LEF1: variants seen among roughly 807,000 people sequenced by gnomAD.
The protein encoded by LEF1 is lymphoid enhancer-binding factor 1.
LEF1 carries 14 observed loss-of-function variants against 51.2 expected under a neutral mutation model. The ratio of observed to expected loss-of-function variants is 0.27; its 90% confidence interval spans 0.18 to 0.43. The LOEUF (loss-of-function observed/expected upper bound fraction) is 0.43, where lower values mean the gene tolerates loss of function less well. LEF1 is among the 20% of genes least tolerant of loss of function. The pLI, the probability that LEF1 is intolerant of heterozygous loss-of-function variation, is 1.00. For synonymous variants in LEF1, 185 were observed against 183.2 expected, an observed-to-expected ratio of 1.01 and a Z score of -0.08; for missense variants, 386 against 512.0, an observed-to-expected ratio of 0.75 and a Z score of 2.37.
intron 9 of LEF1, among the ~76,000 whole-genome samples, chr4:108,065,835 G>A (rs1376289237): frequency 6.6e-6 from 1 of 152,136 alleles, no homozygotes; most frequent in Admixed American, 6.5e-5. Flanking sequence ...TTTACTATAA[G>A]CGGACCATGG....
chr4:108,158,810 G>A (rs1050649699), intron 3 of LEF1, among the ~76,000 whole-genome samples: 3 of 151,964 alleles, frequency 2.0e-5, no homozygotes, highest in African/African-American at 7.3e-5. Context: ...TCCCATTTGT[G>A]AGACCCTACC....
intron 3 of LEF1, among the ~76,000 whole-genome samples, chr4:108,118,073 C>T (rs1209516429): frequency 2.0e-5 from 3 of 152,046 alleles, no homozygotes; most frequent in East Asian, 1.9e-4. Context: ...TGGGGAGTGA[C>T]GAGGCTTAGA....
chr4:108,092,846 G>T (rs1005494806), intron 3 of LEF1, among the ~76,000 whole-genome samples: 7 of 145,402 alleles, frequency 4.8e-5, no homozygotes, highest in South Asian at 2.2e-4. Context: ...TCTAATTCTC[G>T]CAGCTTACTT....
intron 8 of LEF1, among the ~76,000 whole-genome samples, chr4:108,074,879 C>A (rs1206489786): frequency 6.6e-6 from 1 of 152,128 alleles, no homozygotes; most frequent in East Asian, 1.9e-4. Flanking sequence ...CATATCCTCA[C>A]TCTCTGTATT....
intron 3 of LEF1, among the ~76,000 whole-genome samples, chr4:108,093,330 G>T (rs2110277429): frequency 6.6e-6 from 1 of 152,260 alleles, no homozygotes; most frequent in South Asian, 2.1e-4. Flanking sequence ...TGTACACATA[G>T]TAAGTACCTC....
chr4:108,060,575 C>T (rs1181842686), intron 11 of LEF1, among the ~76,000 whole-genome samples: 1 of 152,116 alleles, frequency 6.6e-6, no homozygotes, highest in Non-Finnish European at 1.5e-5. Context: ...TCTTTCATTT[C>T]TTTGCCAGGG....
chr4:108,092,899 T>C (rs998279082), intron 3 of LEF1, among the ~76,000 whole-genome samples: 11 of 109,968 alleles, frequency 1.0e-4, no homozygotes, highest in African/African-American at 1.1e-4. Context: ...GGGGTGGGTA[T>C]TGGAAACAAT....
At chr4:108,078,749 AAC>A (rs1739083732) in intron 7 of LEF1, among the ~76,000 whole-genome samples, 1 of 152,196 alleles carries the variant, frequency 6.6e-6, no homozygotes, top group African/African-American at 2.4e-5. Flanking sequence ...GAAGAAGCTG[AAC>A]ACACAGCACA....
chr4:108,122,216 A>C (rs1483506914), intron 3 of LEF1, among the ~76,000 whole-genome samples: 2 of 152,174 alleles, frequency 1.3e-5, no homozygotes, highest in Non-Finnish European at 1.5e-5. Flanking sequence ...CTCTTACTAG[A>C]AAGTAGATTT....
chr4:108,057,008 G>A (rs1315635656), intron 11 of LEF1, among the ~76,000 whole-genome samples: 2 of 151,714 alleles, frequency 1.3e-5, no homozygotes, highest in Non-Finnish European at 2.9e-5. Context: ...AAGGGTAGCT[G>A]CGCAGCCACG....
chr4:108,090,133 C>T (rs114033086), intron 3 of LEF1, among the ~76,000 whole-genome samples: 2,833 of 152,112 alleles, frequency 0.019, 79 homozygotes, highest in African/African-American at 0.065. Flanking sequence ...CCCGCCACCA[C>T]ATTCAGCTAA....
intron 3 of LEF1, among the ~76,000 whole-genome samples, chr4:108,149,476 A>AAAAAAAAAAAAAC (rs1744221825): frequency 6.7e-6 from 1 of 148,284 alleles, no homozygotes; most frequent in Non-Finnish European, 1.5e-5. Flanking sequence ...AAAAAAAAAA[A>AAAAAAAAAAAAAC]TAGATTATAA....
At position 108,166,619 on chromosome 4, in the gene LEF1, C is replaced by T. The variant is rs1745412191; in HGVS notation, c.213+936G>A. The T allele has an allele frequency of 8.4e-6, 9 of 1,068,870 alleles. No individual in the cohort carries two copies. The South Asian group carries it at 3.2e-4, about 38-fold the overall frequency. 66.2% of individuals were successfully genotyped at this position (1,068,870 alleles called of 1,614,324 possible). A position where few individuals can be genotyped will look rare whatever the true frequency, so the allele number is the denominator to read the frequency against. ...CGGCCCTGCTCCGCGCTTTCTCTAG[C>T]CAGCACCCACGTGTCTCTATTTACT... On this transcript the variant is annotated intron_variant, in intron 1 of 11. Transcript: ENST00000265165.
Position 108,064,401 on chromosome 4 carries a change from A to T in LEF1, c.1117-17T>A. ...TTTCTTACCCTGGAAGAAGAGAGGT[A>T]TACTGTCATGTCACAGATTGTACCA... On this transcript the variant is annotated splice_polypyrimidine_tract_variant and intron_variant, in intron 9 of 11. Transcript: ENST00000265165. The T allele has an allele frequency of 5.7e-6, 9 of 1,592,268 alleles. No individual in the cohort carries two copies. The highest frequency in any genetic ancestry group is 7.8e-6 in the Non-Finnish European group (9 of 1,160,962).
At chr4:108,063,941 T>G (rs1737875537) in intron 10 of LEF1, among the ~76,000 whole-genome samples, 1 of 152,104 alleles carries the variant, frequency 6.6e-6, no homozygotes, top group African/African-American at 2.4e-5. Context: ...ACAAAAGAGA[T>G]TCTCAAGGGA....
chr4:108,071,907 T>C, intron 8 of LEF1: 1 of 152,510 alleles, frequency 6.6e-6, no homozygotes, highest in Non-Finnish European at 1.5e-5. Flanking sequence ...CCTGAGCACA[T>C]ATACCCACAT....
intron 3 of LEF1, among the ~76,000 whole-genome samples, chr4:108,163,304 TG>T (rs1745176832): frequency 6.6e-6 from 1 of 152,190 alleles, no homozygotes; most frequent in African/African-American, 2.4e-5. Context: ...AGGGATTTGT[TG>T]ATGTAACTTC....
intron 3 of LEF1, among the ~76,000 whole-genome samples, chr4:108,108,011 C>T (rs955118020): frequency 1.3e-5 from 2 of 152,180 alleles, no homozygotes; most frequent in Non-Finnish European, 2.9e-5. Context: ...TAGAAAGGGA[C>T]AGGTCTCCTG....
chr4:108,073,240 C>G (rs1249646209), intron 8 of LEF1, among the ~76,000 whole-genome samples: 2 of 152,098 alleles, frequency 1.3e-5, no homozygotes, highest in African/African-American at 2.4e-5. Context: ...CAAAAATTAG[C>G]CAGGCGTAGC....
Sources: allele counts gnomAD v4.1 joint callset (sites outside exome capture counted in the v4.1 genomes callset), GRCh38; gene constraint gnomAD v4.1.1; transcripts MANE v1.5; gene names NCBI Gene and HGNC (gene_info 2026-07-23, HGNC 2026-07-21).